The following PAFAH2 variants were observed in gnomAD, a reference collection of about 807,000 sequenced individuals.
The protein encoded by PAFAH2 is platelet activating factor acetylhydrolase 2.
PAFAH2 carries 42 observed loss-of-function variants against 49.0 expected under a neutral mutation model. The ratio of observed to expected loss-of-function variants is 0.86; its 90% CI spans 0.67 to 1.11. PAFAH2 has a LOEUF of 1.11. Among genes scored for constraint, PAFAH2 ranks in the 50% least tolerant of loss-of-function variants. The probability of loss-of-function intolerance (pLI) is 0.00; values close to 1 mark genes in which losing one functional copy is unlikely to be tolerated. For synonymous variants in PAFAH2, 184 were observed against 181.3 expected, an observed-to-expected ratio of 1.01 and a Z score of -0.12; for missense variants, 503 against 501.8, an observed-to-expected ratio of 1.00 and a Z score of -0.02.
rs566988759 is a variant in PAFAH2 at position 25,974,984 on chromosome 1, T to C, written c.759-334A>G. 5.3e-5 allele frequency among the ~76,000 whole-genome samples: 8 copies of C among 152,332 alleles called. No individual in the cohort carries two copies. The East Asian group carries it at 1.5e-3, about 29-fold the overall frequency. On this transcript the variant is annotated intron_variant, in intron 8 of 10. Transcript: ENST00000374282. ...CATTCAACATTCATTGAGTGTCTAC[T>C]ATGTGCTTTGGATATAGACATAAAT...
chr1:25,980,918 G>A (rs2049678064), intron 7 of PAFAH2, among the ~76,000 whole-genome samples: 1 of 151,950 alleles, frequency 6.6e-6, no homozygotes, highest in South Asian at 2.1e-4. Context: ...TTGGGAGGCT[G>A]AGGTAGCTAC....
intron 10 of PAFAH2, among the ~76,000 whole-genome samples, chr1:25,968,566 C>T (rs981943745): frequency 3.3e-5 from 5 of 152,116 alleles, no homozygotes; most frequent in Non-Finnish European, 7.4e-5. Flanking sequence ...GATCATATCC[C>T]CAGAACAGCC....
intron 8 of PAFAH2, among the ~76,000 whole-genome samples, chr1:25,976,145 T>C (rs1175099624): frequency 1.3e-5 from 2 of 152,176 alleles, no homozygotes; most frequent in African/African-American, 4.8e-5. Flanking sequence ...GCCTGTTTTC[T>C]TTTTTCTGTT....
chr1:25,984,384 A>G (rs1298661861), intron 5 of PAFAH2, 76 bp downstream of exon 5: 7 of 1,107,784 alleles, frequency 6.3e-6, no homozygotes, highest in Non-Finnish European at 9.5e-6. Flanking sequence ...GAGGGTTAGA[A>G]ATAGTACATT....
chr1:25,993,828 G>C (rs1021610510), intron 1 of PAFAH2, among the ~76,000 whole-genome samples: 1 of 152,090 alleles, frequency 6.6e-6, no homozygotes, highest in Non-Finnish European at 1.5e-5. Flanking sequence ...AAGTTCAACT[G>C]TCATAAAAGA....
intron 2 of PAFAH2, 46 bp downstream of exon 2, chr1:25,990,681 C>A: frequency 4.1e-6 from 6 of 1,461,182 alleles, no homozygotes; most frequent in Non-Finnish European, 5.8e-6. Context: ...GTCACGGTGC[C>A]GGCAGAAGCA....
chr1:25,979,286 C>T (rs1572352489), intron 7 of PAFAH2, among the ~76,000 whole-genome samples: 1 of 149,998 alleles, frequency 6.7e-6, no homozygotes, highest in African/African-American at 2.4e-5. Flanking sequence ...CTTAACTAAT[C>T]TAACTGGACT....
chr1:25,994,206 CT>C (rs1372133379), intron 1 of PAFAH2, among the ~76,000 whole-genome samples: 2 of 149,452 alleles, frequency 1.3e-5, no homozygotes, highest in Non-Finnish European at 3.0e-5. Flanking sequence ...CAGTGGCTCA[CT>C]GTGGCCTCAC....
chr1:25,976,216 G>A (rs115012839), intron 8 of PAFAH2, among the ~76,000 whole-genome samples: 3,522 of 152,190 alleles, frequency 0.023, 129 homozygotes, highest in African/African-American at 0.077. Flanking sequence ...AGAGCTCACT[G>A]TAACCTGGAA....
At chr1:25,981,834 A>C (rs2049692857) in intron 7 of PAFAH2, among the ~76,000 whole-genome samples, 1 of 152,196 alleles carries the variant, frequency 6.6e-6, no homozygotes, top group Non-Finnish European at 1.5e-5. Flanking sequence ...CAGCCTGGCC[A>C]ACATGGTGAA....
At chr1:25,995,313 T>A (rs2124375195) in intron 1 of PAFAH2, among the ~76,000 whole-genome samples, 1 of 152,328 alleles carries the variant, frequency 6.6e-6, no homozygotes, top group Middle Eastern at 3.4e-3. Context: ...ATTCTAGCAG[T>A]TTTCAACCAG....
intron 8 of PAFAH2, among the ~76,000 whole-genome samples, chr1:25,976,272 G>A (rs980703572): frequency 6.6e-6 from 1 of 152,170 alleles, no homozygotes; most frequent in East Asian, 1.9e-4. Flanking sequence ...CAAAGTAGCC[G>A]GGACTACAGG....
chr1:25,963,183 T>C (rs985855524), intron 10 of PAFAH2, among the ~76,000 whole-genome samples: 3 of 152,192 alleles, frequency 2.0e-5, no homozygotes, highest in Admixed American at 1.3e-4. Flanking sequence ...GGATTCCCAG[T>C]GCCCTGCCAG....
intron 4 of PAFAH2, among the ~76,000 whole-genome samples, chr1:25,987,206 C>T (rs1019787280): frequency 1.3e-5 from 2 of 150,718 alleles, no homozygotes; most frequent in African/African-American, 4.9e-5. Context: ...TGCACTCCAG[C>T]CTGGGCGACT....
Position 25,974,549 on chromosome 1 carries a change from G to A in PAFAH2, c.860C>T (p.Thr287Ile), listed in dbSNP as rs2049559260. The A allele has an allele frequency of 1.2e-6, 2 of 1,613,926 alleles. No homozygotes were observed. Among genetic ancestry groups the A allele is most frequent in the Admixed American group, 1.7e-5 (1 of 60,002 alleles). ...CTTCATCAAATTGACACTCTCCATT[G>A]TCTGGAATTTCTCAGTATTGATAAA... ...VFFINTEKFQ[T>I]MESVNLMKKI... Residue 287 changes from threonine (T) to isoleucine (I), a missense_variant, in exon 9 of 11, where the codon ACA (threonine) becomes ATA (isoleucine). By Grantham distance (89) the Thr-to-Ile change is moderately conservative. Coordinates refer to ENST00000374282, the MANE Select transcript of PAFAH2 (RefSeq NM_000437.4).
At chr1:25,972,804 G>A (rs745655312) in intron 9 of PAFAH2, 92 bp from the exon 10 acceptor site, 2 of 1,252,666 alleles carry the variant, frequency 1.6e-6, no homozygotes, top group Non-Finnish European at 2.3e-6. Flanking sequence ...TGCTTTTCAT[G>A]TATTATCACA....
chr1:25,982,859 C>T (rs923336911), intron 6 of PAFAH2, among the ~76,000 whole-genome samples: 2 of 152,266 alleles, frequency 1.3e-5, no homozygotes, highest in African/African-American at 4.8e-5. Context: ...AAGCACTTAC[C>T]CCCTTTCCTT....
At position 25,982,465 on chromosome 1, in the gene PAFAH2, C is replaced by A. The variant is rs1009585864; in HGVS notation, c.565G>T (p.Val189Leu). ...HVRNPQVHQR[V>L]SECLRVLKIL... is the part of the protein sequence containing the mutation. ...TTCAACACCCGTAAACACTCGCTTA[C>A]CCGCTGATGCACCTGCAACAGAGAC... is the stretch of plus-strand genomic sequence containing the variant. Residue 189 changes from valine to leucine, a missense_variant, in exon 7 of 11, where the codon GTA becomes TTA. Physicochemically the swap from Val to Leu is conservative, Grantham distance 32. Coordinates refer to ENST00000374282, the MANE Select transcript of PAFAH2 (RefSeq NM_000437.4). 5 of 1,613,404 alleles carry A rather than the reference C, an allele frequency of 3.1e-6. No individual in the cohort carries two copies. The highest frequency in any genetic ancestry group is 3.3e-5 in the Admixed American group (2 of 60,024).
intron 10 of PAFAH2, among the ~76,000 whole-genome samples, chr1:25,962,322 A>G (rs2049351139): frequency 6.6e-6 from 1 of 152,192 alleles, no homozygotes; most frequent in East Asian, 1.9e-4. Flanking sequence ...AGAGGGTAAC[A>G]TTTATTGATG....
Sources: gnomAD v4.1 joint callset for allele counts (sites outside exome capture counted in the v4.1 genomes callset) on GRCh38, gnomAD v4.1.1 for gene constraint, MANE v1.5 for transcripts, NCBI Gene and HGNC (gene_info 2026-07-23, HGNC 2026-07-21) for gene names.